ADD3: variants seen among roughly 807,000 people sequenced by gnomAD.
The protein encoded by ADD3 is gamma-adducin.
A neutral mutation model predicts 80.2 loss-of-function variants in ADD3; 25 were observed. The ratio of observed to expected loss-of-function variants is 0.31; its 90% CI spans 0.23 to 0.44. The LOEUF is 0.44. Among genes scored for constraint, ADD3 ranks in the 20% least tolerant of loss-of-function variants. The pLI is 1.00. For missense variants in ADD3, 829 were observed against 847.5 expected (o/e 0.98, Z 0.27); for synonymous variants, 284 against 289.6 (o/e 0.98, Z 0.20).
rs1274071214 is a variant in ADD3 at position 110,112,904 on chromosome 10, C to T, written c.323C>T (p.Ser108Leu). 6.2e-7 allele frequency: 1 copy of T among 1,613,514 alleles called. No individual in the cohort carries two copies. Among genetic ancestry groups the T allele is most frequent in the South Asian group, 1.1e-5 (1 of 90,946 alleles). Reference protein sequence around the residue: ...IMANSFSGFSSPPLSLGMVTP... With the variant: ...IMANSFSGFSLPPLSLGMVTP... ...GCCAATTCTTTCTCGGGTTTTTCTT[C>T]ACCTCCTCTCAGTATGTCAGTTTTG... The change falls in exon 3 of 15, where the codon TCA (serine) becomes TTA (leucine). Residue 108 changes from serine (S) to leucine (L), a missense_variant. Coordinates refer to ENST00000356080, the MANE Select transcript of ADD3 (RefSeq NM_016824.5).
chr10:110,090,999 A>G (rs1311741849), intron 1 of ADD3, among the ~76,000 whole-genome samples: 1 of 152,200 alleles, frequency 6.6e-6, no homozygotes, highest in Admixed American at 6.5e-5. Context: ...AAAGAACAAA[A>G]ACGGGGTTCA....
intron 1 of ADD3, among the ~76,000 whole-genome samples, chr10:110,086,372 T>G (rs561339494): frequency 4.0e-5 from 6 of 150,224 alleles, no homozygotes; most frequent in Non-Finnish European, 8.9e-5. Flanking sequence ...ATCATGCCAC[T>G]GCACTCCAGC....
At chr10:110,119,146 CA>C (rs1477655306) in intron 6 of ADD3, 64 bp from the exon 7 acceptor site, 1 of 1,562,192 alleles carries the variant, frequency 6.4e-7, no homozygotes, top group African/African-American at 1.4e-5. Flanking sequence ...ACCAAACAAT[CA>C]GGTTCCTATG....
At chr10:110,027,823 T>C (rs1158178351) in intron 1 of ADD3, among the ~76,000 whole-genome samples, 1 of 152,246 alleles carries the variant, frequency 6.6e-6, no homozygotes, top group African/African-American at 2.4e-5. Context: ...GGGCATGTTT[T>C]AACCATTTGT....
rs558167254 is a variant in ADD3 at position 110,015,898 on chromosome 10, G to A, written c.-30+7599G>A. Among the ~76,000 whole-genome samples the A allele has an allele frequency of 3.5e-4, 54 of 152,246 alleles. No homozygotes were observed. In the South Asian group the frequency reaches 0.011, roughly 32 times the overall value. Reference sequence around the variant, plus strand: ...TCACTGTTATAGCAGAATGTAATAGGGAAGGAACATTTTATGCCTCAATAA... The same window carrying A: ...TCACTGTTATAGCAGAATGTAATAGAGAAGGAACATTTTATGCCTCAATAA... On this transcript the variant is annotated intron_variant, in intron 1 of 14. Coordinates refer to ENST00000356080, the MANE Select transcript of ADD3 (RefSeq NM_016824.5).
chr10:110,132,309 T>A lies in ADD3; in HGVS notation c.1737T>A (p.Ala579=). 2 of 1,612,122 alleles carry A rather than the reference T, an allele frequency of 1.2e-6. No individual in the cohort carries two copies. Among genetic ancestry groups the A allele is most frequent in the Non-Finnish European group, 8.5e-7 (1 of 1,178,670 alleles). ...IERKQQGLED[A]EQELLSDDAS... Reference sequence around the variant, plus strand: ...AACTAAACTCTTATCCAACAGATGCTGAGCAGGAATTACTCTCAGATGACG... The same window carrying A: ...AACTAAACTCTTATCCAACAGATGCAGAGCAGGAATTACTCTCAGATGACG... Residue 579 remains alanine (A), a synonymous_variant, in exon 14 of 15, where the codon GCT becomes GCA. Transcript: ENST00000356080.
intron 1 of ADD3, among the ~76,000 whole-genome samples, chr10:110,095,416 C>T (rs1425369287): frequency 6.6e-6 from 1 of 152,214 alleles, no homozygotes; most frequent in East Asian, 1.9e-4. Context: ...TGTTTTCTAC[C>T]TCTATAGATT....
chr10:110,019,062 A>G (rs61619722), intron 1 of ADD3, among the ~76,000 whole-genome samples: 298 of 152,318 alleles, frequency 2.0e-3, no homozygotes, highest in Middle Eastern at 0.01. Context: ...CGATTTTAAA[A>G]ATCTGTATTT....
intron 1 of ADD3, among the ~76,000 whole-genome samples, chr10:110,036,528 T>C (rs961282484): frequency 1.3e-5 from 2 of 151,928 alleles, no homozygotes; most frequent in Non-Finnish European, 2.9e-5. Flanking sequence ...TATAGGCGCC[T>C]GCCACCACGC....
upstream of ADD3, among the ~76,000 whole-genome samples, chr10:110,000,890 T>C (rs1334642932): frequency 1.3e-5 from 2 of 152,250 alleles, no homozygotes; most frequent in East Asian, 1.9e-4. Flanking sequence ...AGTACTGGTA[T>C]GTTTTAAGAG....
rs1279082802 is a variant in ADD3, at chr10:110,134,403, G to T, written c.*785G>T. 6.6e-6 allele frequency: 1 copy of T among 152,240 alleles called. No individual in the cohort carries two copies. 9.4% of individuals were successfully genotyped at this position (152,240 alleles called of 1,614,324 possible). A position where few individuals can be genotyped will look rare whatever the true frequency, so the allele number is the denominator to read the frequency against. On this transcript the variant is annotated 3_prime_UTR_variant, in exon 15 of 15. Coordinates refer to ENST00000356080, the MANE Select transcript of ADD3 (RefSeq NM_016824.5). ...GTATAAAAGTGTCCTAAGCATATTA[G>T]CCAATCTTTTCACAGTAGAGCATAC...
chr10:110,098,323 G>A (rs903806841), intron 1 of ADD3, among the ~76,000 whole-genome samples: 1 of 152,086 alleles, frequency 6.6e-6, no homozygotes, highest in African/African-American at 2.4e-5. Context: ...ATTTTTAAGT[G>A]GCTCTGTGTT....
chr10:110,082,745 C>G lies in ADD3; in HGVS notation c.-29-17880C>G, dbSNP rs1038189414. Among the ~76,000 whole-genome samples, 3 of 152,132 alleles carry G rather than the reference C, an allele frequency of 2.0e-5. No individual in the cohort carries two copies. The South Asian group carries it at 6.2e-4, about 31-fold the overall frequency. On this transcript the variant is annotated intron_variant, in intron 1 of 14. Coordinates refer to ENST00000356080, the MANE Select transcript of ADD3 (RefSeq NM_016824.5). ...GGTAAATATAGATTTTTAGAAATTG[C>G]TCTTTTTATGTATGTATTTACTTAT...
At chr10:110,115,404 C>A (rs891449719) in intron 3 of ADD3, among the ~76,000 whole-genome samples, 3 of 151,582 alleles carry the variant, frequency 2.0e-5, no homozygotes, top group African/African-American at 7.3e-5. Flanking sequence ...AAAAACAAAA[C>A]AAGCAGGCTG....
upstream of ADD3, among the ~76,000 whole-genome samples, chr10:110,007,199 G>A (rs1851709136): frequency 1.3e-5 from 2 of 152,194 alleles, no homozygotes; most frequent in African/African-American, 4.8e-5. Flanking sequence ...TCAAAGAAGT[G>A]AGCTCTCATA....
intron 12 of ADD3, among the ~76,000 whole-genome samples, chr10:110,128,652 C>T (rs757063017): frequency 2.0e-5 from 3 of 152,206 alleles, no homozygotes; most frequent in African/African-American, 4.8e-5. Context: ...CTCCTGACCT[C>T]GTGATCTGCC....
intron 1 of ADD3, among the ~76,000 whole-genome samples, chr10:110,035,214 A>G (rs1190852368): frequency 6.6e-6 from 1 of 152,192 alleles, no homozygotes; most frequent in African/African-American, 2.4e-5. Context: ...GTTTCATTAG[A>G]TGGTACAAGA....
chr10:110,071,110 T>G (rs1554931677), intron 1 of ADD3, among the ~76,000 whole-genome samples: 1 of 150,366 alleles, frequency 6.7e-6, no homozygotes, highest in Non-Finnish European at 1.5e-5. Flanking sequence ...TTCCCAAGAT[T>G]AAAAAAAAAT....
Position 110,047,550 on chromosome 10 carries a change from C to T in ADD3, c.-30+39251C>T, listed in dbSNP as rs189213987. Among the ~76,000 whole-genome samples, 3 of 152,246 alleles carry T rather than the reference C, an allele frequency of 2.0e-5. No individual in the cohort carries two copies. In the East Asian group the frequency reaches 5.8e-4, roughly 29 times the overall value. On this transcript the variant is annotated intron_variant, in intron 1 of 14. Transcript: ENST00000356080. ...AGGCCTAGATAATTTTTTAATGTATCCCTGAAAACCATTTTATAAATGAAA... is the reference window on the plus strand; with the variant it reads ...AGGCCTAGATAATTTTTTAATGTATTCCTGAAAACCATTTTATAAATGAAA...
Sources: gnomAD v4.1 joint callset for allele counts (sites outside exome capture counted in the v4.1 genomes callset) on GRCh38, gnomAD v4.1.1 for gene constraint, MANE v1.5 for transcripts, NCBI Gene and HGNC (gene_info 2026-07-23, HGNC 2026-07-21) for gene names.